ZNF436: variants seen among roughly 807,000 people sequenced by gnomAD.
The protein encoded by ZNF436 is zinc finger protein 436.
ZNF436 carries 22 observed loss-of-function variants against 41.9 expected under a neutral mutation model. The observed-to-expected ratio is 0.53, with a 90% CI of 0.38 to 0.75. The LOEUF (loss-of-function observed/expected upper bound fraction) is 0.75. Ranked by LOEUF, ZNF436 falls within the 30% of genes least tolerant of loss-of-function variation. ZNF436 has a pLI of 0.00. For synonymous variants in ZNF436, 217 were observed against 197.8 expected, an observed-to-expected ratio of 1.10 and a Z score of -0.82; for missense variants, 506 against 587.3, an observed-to-expected ratio of 0.86 and a Z score of 1.43.
intron 1 of ZNF436, chr1:23,368,305 G>T (rs1032097487): frequency 4.9e-6 from 2 of 405,038 alleles, no homozygotes; most frequent in Non-Finnish European, 4.5e-6. Flanking sequence ...GGGTTAGACC[G>T]CTGCTGTCTC....
At chr1:23,368,474 C>G (rs1638416275) in intron 1 of ZNF436, 1 of 162,424 alleles carries the variant, frequency 6.2e-6, no homozygotes, top group Non-Finnish European at 1.4e-5. Flanking sequence ...ACAGCCTGGC[C>G]AAGAGCCTCT....
Position 23,363,080 on chromosome 1 carries a change from C to T in ZNF436, c.302G>A (p.Arg101Lys), listed in dbSNP as rs571774381. Residue 101 changes from arginine (R) to lysine (K), a missense_variant, in exon 4 of 4, where the codon AGG (arginine) becomes AAG (lysine). By Grantham distance (26) the Arg-to-Lys change is conservative. Around this residue, in one of 2 missense-constraint regions of ZNF436, gnomAD observed 228 missense variants for 215.1 expected, o/e 1.06. Transcript: ENST00000314011. ...ESEEGFESGDRSERQWGDLTA... is the reference protein window; with the variant it reads ...ESEEGFESGDKSERQWGDLTA... ...TAAATCTCCCCATTGTCTTTCTGACCTATCTCCGCTTTCAAAGCCCTCTTC... is the reference window on the plus strand; with the variant it reads ...TAAATCTCCCCATTGTCTTTCTGACTTATCTCCGCTTTCAAAGCCCTCTTC... The T allele has an allele frequency of 5.6e-6, 9 of 1,614,176 alleles. No homozygotes were observed. In the South Asian group the frequency reaches 8.8e-5, roughly 16 times the overall value.
At position 23,367,166 on chromosome 1, in the gene ZNF436, T is replaced by G; in HGVS notation, c.36A>C (p.Ala12=). ...TGGCCATATCTTCAAACGTCACAGG[T>G]GCCTGAAATCACACGATACTTCCCT... ...AATLLMAGSQ[A]PVTFEDMAMY... is the part of the protein sequence containing the mutation. The change falls in exon 3 of 4, where the codon GCA becomes GCC. Residue 12 remains alanine (A), a splice_region_variant and synonymous_variant. Transcript: ENST00000314011. 6.2e-7 allele frequency: 1 copy of G among 1,606,662 alleles called. No homozygotes were observed. The highest frequency in any genetic ancestry group is 8.5e-7 in the Non-Finnish European group (1 of 1,176,982).
chr1:23,369,238 G>A, intron 1 of ZNF436, 128 bp downstream of exon 1: 7 of 432,288 alleles, frequency 1.6e-5, no homozygotes, highest in South Asian at 1.1e-4. Context: ...GGCTCCCAGC[G>A]GCCTCCCGCA....
At chr1:23,365,234 A>C (rs1638331916) in intron 3 of ZNF436, among the ~76,000 whole-genome samples, 1 of 151,318 alleles carries the variant, frequency 6.6e-6, no homozygotes, top group Non-Finnish European at 1.5e-5. Context: ...TCTAAAAAAA[A>C]AAAACGCAAA....
chr1:23,363,034 G>C lies in ZNF436; in HGVS notation c.348C>G (p.Ser116Arg), dbSNP rs376557198. Residue 116 changes from serine to arginine, a missense_variant, in exon 4 of 4, where the codon AGC (serine) becomes AGG (arginine). By Grantham distance (110) the Ser-to-Arg change is moderately radical. Coordinates refer to ENST00000314011, the MANE Select transcript of ZNF436 (RefSeq NM_001077195.2). ...GATCAGTGACTGGTTGGAGAGGATA[G>C]CTTACCCACTCTTCTGCTGTTAAAT... is the stretch of plus-strand genomic sequence containing the variant. ...WGDLTAEEWV[S>R]YPLQPVTDLL... The C allele has an allele frequency of 4.3e-6, 7 of 1,614,162 alleles. No homozygotes were observed. Among genetic ancestry groups the C allele is most frequent in the Non-Finnish European group, 5.9e-6 (7 of 1,180,038 alleles).
At position 23,368,057 on chromosome 1, in the gene ZNF436, C is replaced by T; in HGVS notation, c.-52G>A. 6.2e-7 allele frequency: 1 copy of T among 1,609,300 alleles called. No individual in the cohort carries two copies. Among genetic ancestry groups the T allele is most frequent in the Non-Finnish European group, 8.5e-7 (1 of 1,176,172 alleles). On this transcript the variant is annotated 5_prime_UTR_variant, in exon 2 of 4. Coordinates refer to ENST00000314011, the MANE Select transcript of ZNF436 (RefSeq NM_001077195.2). ...GAGAGAGAGCAGGAAAAGCAGCTAGCAGACAGCGCTGAAGGAGGCGAAAAG... is the reference window on the plus strand; with the variant it reads ...GAGAGAGAGCAGGAAAAGCAGCTAGTAGACAGCGCTGAAGGAGGCGAAAAG...
Position 23,361,285 on chromosome 1 carries a change from T to C in ZNF436, c.*684A>G, listed in dbSNP as rs1646994815. 1 of 152,690 alleles carries C rather than the reference T, an allele frequency of 6.5e-6. No individual in the cohort carries two copies. The highest frequency in any genetic ancestry group is 1.5e-5 in the Non-Finnish European group (1 of 68,060). 9.5% of individuals were successfully genotyped at this position (152,690 alleles called of 1,614,324 possible). On this transcript the variant is annotated 3_prime_UTR_variant, in exon 4 of 4. Transcript: ENST00000314011. ...CTTCTGCTAAAGTCACCATCATTGATGGGTCCTTGGTCCCCAAACCTGTGT... is the reference window on the plus strand; with the variant it reads ...CTTCTGCTAAAGTCACCATCATTGACGGGTCCTTGGTCCCCAAACCTGTGT...
At chr1:23,364,790 C>T (rs532036388) in intron 3 of ZNF436, among the ~76,000 whole-genome samples, 33 of 152,340 alleles carry the variant, frequency 2.2e-4, no homozygotes, top group Non-Finnish European at 4.3e-4. Flanking sequence ...ATACCAGACA[C>T]TGCATTCTCC....
At position 23,362,810 on chromosome 1, in the gene ZNF436, TC is replaced by T. The variant is rs1213318173; in HGVS notation, c.571del (p.Glu191ArgfsTer19). 6.2e-7 allele frequency: 1 copy of T among 1,614,234 alleles called. No individual in the cohort carries two copies. The highest frequency in any genetic ancestry group is 8.5e-7 in the Non-Finnish European group (1 of 1,180,044). ...ACACTCGTTACAGTCATAAGGCCTCTCCCCAGTATGTGTTCTTTGATGCTGA... is the reference window on the plus strand; with the variant it reads ...ACACTCGTTACAGTCATAAGGCCTCTCCCAGTATGTGTTCTTTGATGCTGA... ...LIQHQRTHTG[E>X]RPYDCNECGK... On this transcript the variant is annotated frameshift_variant, in exon 4 of 4. Transcript: ENST00000314011. LOFTEE classifies it high-confidence loss of function.
rs1310485327 is a variant in ZNF436 at position 23,361,097 on chromosome 1, CTG to C, written c.*870_*871del. 1.3e-5 allele frequency: 2 copies of C among 152,480 alleles called. No homozygotes were observed. Among genetic ancestry groups the C allele is most frequent in the East Asian group, 3.9e-4 (2 of 5,178 alleles). The allele number at this position is 152,480 out of a possible 1,614,324, so 9.4% of individuals were successfully genotyped here. On this transcript the variant is annotated 3_prime_UTR_variant, in exon 4 of 4. Transcript: ENST00000314011. Reference sequence around the variant, plus strand: ...GACCTACATTCCTTGGGAAGGGACTCTGTGGTTCCTTCCCTGAAGGACTCAAT... The same window carrying C: ...GACCTACATTCCTTGGGAAGGGACTCTGGTTCCTTCCCTGAAGGACTCAAT...
Position 23,362,782 on chromosome 1 carries a change from C to T in ZNF436, c.600G>A (p.Gly200=), listed in dbSNP as rs746234160. The T allele has an allele frequency of 1.9e-6, 3 of 1,614,190 alleles. No homozygotes were observed. Among genetic ancestry groups the T allele is most frequent in the Non-Finnish European group, 2.5e-6 (3 of 1,180,046 alleles). The change falls in exon 4 of 4, where the codon GGG becomes GGA. Residue 200 remains glycine (G), a synonymous_variant. Coordinates refer to ENST00000314011, the MANE Select transcript of ZNF436 (RefSeq NM_001077195.2). ...GGTGAGAACTTCTTCCAAAACTTTT[C>T]CCACACTCGTTACAGTCATAAGGCC... is the stretch of plus-strand genomic sequence containing the variant. ...GERPYDCNEC[G]KSFGRSSHLI... is the part of the protein sequence containing the mutation.
chr1:23,367,918 C>A, intron 2 of ZNF436, 55 bp downstream of exon 2: 2 of 1,601,996 alleles, frequency 1.2e-6, no homozygotes, highest in Non-Finnish European at 1.7e-6. Flanking sequence ...AGCAGAGAAA[C>A]GCCGGACGAG....
Position 23,369,679 on chromosome 1 carries a change from G to C in ZNF436, c.-374C>G, listed in dbSNP as rs369022121. ...TGGCCGAGAAACCACCAGCAACTAAGCTGCATTCAGCTGGAGTTCCTCGGA... is the reference window on the plus strand; with the variant it reads ...TGGCCGAGAAACCACCAGCAACTAACCTGCATTCAGCTGGAGTTCCTCGGA... On this transcript the variant is annotated 5_prime_UTR_variant, in exon 1 of 4. Coordinates refer to ENST00000314011, the MANE Select transcript of ZNF436 (RefSeq NM_001077195.2). 4.3e-6 allele frequency: 2 copies of C among 461,454 alleles called. No homozygotes were observed. The highest frequency in any genetic ancestry group is 9.1e-6 in the Non-Finnish European group (2 of 219,016). 28.6% of individuals were successfully genotyped at this position (461,454 alleles called of 1,614,324 possible).
chr1:23,365,917 C>A (rs866136150), intron 3 of ZNF436, among the ~76,000 whole-genome samples: 355 of 97,794 alleles, frequency 3.6e-3, no homozygotes, highest in African/African-American at 6.2e-3. Flanking sequence ...GATCCTGTCT[C>A]AAAAAAAAAA....
In ZNF436 at chr1:23,363,063, C is replaced by T. The variant is rs575635090; in HGVS notation, c.319G>A (p.Gly107Arg). Residue 107 changes from glycine to arginine, a missense_variant, in exon 4 of 4, where the codon GGA becomes AGA. Gly to Arg is a moderately radical substitution (Grantham distance 125). Transcript: ENST00000314011. ...ACCCACTCTTCTGCTGTTAAATCTC[C>T]CCATTGTCTTTCTGACCTATCTCCG... The part of the protein sequence containing the change: ...ESGDRSERQW[G>R]DLTAEEWVSY... 6.2e-6 allele frequency: 10 copies of T among 1,614,142 alleles called. No individual in the cohort carries two copies. In the Admixed American group the frequency reaches 6.7e-5, roughly 11 times the overall value.
At chr1:23,368,675 C>T (rs1638421676) in intron 1 of ZNF436, among the ~76,000 whole-genome samples, 1 of 152,254 alleles carries the variant, frequency 6.6e-6, no homozygotes, top group Non-Finnish European at 1.5e-5. Flanking sequence ...AAGCTAGAGG[C>T]TGCCCTGCTT....
chr1:23,369,178 C>CGGG, intron 1 of ZNF436, 188 bp downstream of exon 1: 1 of 385,524 alleles, frequency 2.6e-6, no homozygotes, highest in Non-Finnish European at 5.4e-6. Flanking sequence ...CAGGCCCCTG[C>CGGG]GGGGGGGGCG....
chr1:23,369,313 G>A (rs1638444343), intron 1 of ZNF436, 53 bp downstream of exon 1: 1 of 523,860 alleles, frequency 1.9e-6, no homozygotes, highest in Non-Finnish European at 4.0e-6. Flanking sequence ...AGCAGTCCCT[G>A]TCCGGTTGAA....
Sources: gnomAD v4.1 joint callset for allele counts (sites outside exome capture counted in the v4.1 genomes callset) on GRCh38, gnomAD v4.1.1 for gene constraint, gnomAD v4.1.1 regional missense constraint, MANE v1.5 for transcripts, NCBI Gene and HGNC (gene_info 2026-07-23, HGNC 2026-07-21) for gene names.